The following MYH10 variants were observed in gnomAD, a reference collection of about 807,000 sequenced individuals.
MYH10 encodes myosin heavy chain 10.
A neutral mutation model predicts 257.8 loss-of-function variants in MYH10; 55 were observed. The ratio of observed to expected loss-of-function variants is 0.21; its 90% CI spans 0.17 to 0.27. MYH10 has a LOEUF of 0.27. Ranked by LOEUF, MYH10 falls within the 10% of genes least tolerant of loss-of-function variation. The pLI, the probability that MYH10 is intolerant of heterozygous loss-of-function variation, is 1.00. For missense variants in MYH10, 1,631 were observed against 2,500.6 expected (o/e 0.65, Z 7.42); for synonymous variants, 854 against 921.7 (o/e 0.93, Z 1.33).
At position 8,535,996 on chromosome 17, in the gene MYH10, CACTTAA is replaced by C; in HGVS notation, c.1606-71_1606-66del. On this transcript the variant is annotated intron_variant, in intron 14 of 42. Transcript: ENST00000360416. This position sits in a 1 kb window ranked among gnomAD's most constrained non-coding sequence, Gnocchi z 4.3. ...GCCACTTTAATACTACTGAGTCTGG[CACTTAA>C]ACTTCTAAAACAATTAGTTTTATGA... 1.4e-6 allele frequency: 2 copies of C among 1,424,774 alleles called. No individual in the cohort carries two copies. Among genetic ancestry groups the C allele is most frequent in the Non-Finnish European group, 1.9e-6 (2 of 1,036,258 alleles). 88.3% of individuals were successfully genotyped at this position (1,424,774 alleles called of 1,614,324 possible).
intron 14 of MYH10, among the ~76,000 whole-genome samples, chr17:8,541,358 T>C (rs1010136735): frequency 2.6e-5 from 4 of 152,228 alleles, no homozygotes; most frequent in African/African-American, 7.2e-5. Flanking sequence ...ATATCGGTGG[T>C]TAATCATGTT....
intron 35 of MYH10, among the ~76,000 whole-genome samples, chr17:8,489,947 A>G (rs928721962): frequency 2.6e-5 from 4 of 152,168 alleles, no homozygotes; most frequent in African/African-American, 9.7e-5. Flanking sequence ...TTTCCTTTTG[A>G]AGAGTGATCT....
chr17:8,563,586 T>C (rs919451101), intron 7 of MYH10, among the ~76,000 whole-genome samples: 3 of 152,244 alleles, frequency 2.0e-5, no homozygotes, highest in African/African-American at 7.2e-5. Context: ...GCTGGTTGCC[T>C]GGTGCAGACC....
At chr17:8,612,193 G>C (rs73973179) in intron 2 of MYH10, among the ~76,000 whole-genome samples, 3,397 of 152,194 alleles carry the variant, frequency 0.022, 142 homozygotes, top group African/African-American at 0.077. Flanking sequence ...CTGTGTTCAA[G>C]TCACCTTTAT....
Position 8,598,820 on chromosome 17 carries a change from C to T in MYH10, c.502+6006G>A, listed in dbSNP as rs1019713634. ...CTCCCAGGCTCAAGCAATCTTCCCA[C>T]CTCAGCCTCCTGAGTAGCTAGGACT... On this transcript the variant is annotated intron_variant, in intron 3 of 42. Coordinates refer to ENST00000360416, the MANE Select transcript of MYH10 (RefSeq NM_001256012.3). Among the ~76,000 whole-genome samples, 24 of 151,946 alleles carry T rather than the reference C, an allele frequency of 1.6e-4. 2 individuals are homozygous for T. The highest frequency in any genetic ancestry group is 4.4e-5 in the Non-Finnish European group (3 of 68,018).
intron 7 of MYH10, among the ~76,000 whole-genome samples, chr17:8,556,432 C>T (rs367999281): frequency 6.6e-6 from 1 of 152,200 alleles, no homozygotes; most frequent in Non-Finnish European, 1.5e-5. Context: ...CACTACTGAG[C>T]GATGACAAGG....
intron 2 of MYH10, among the ~76,000 whole-genome samples, chr17:8,614,165 A>G (rs1185885074): frequency 6.6e-6 from 1 of 152,222 alleles, no homozygotes; most frequent in Non-Finnish European, 1.5e-5. Flanking sequence ...AATTAATCAC[A>G]TAACGAACCA....
chr17:8,503,203 A>T, intron 28 of MYH10, among the ~76,000 whole-genome samples: 1 of 152,208 alleles, frequency 6.6e-6, no homozygotes, highest in Middle Eastern at 3.2e-3. Context: ...AAATCGTTTG[A>T]ACCCGGGAGG....
At position 8,548,635 on chromosome 17, in the gene MYH10, C is replaced by A; in HGVS notation, c.1063+9G>T. The A allele has an allele frequency of 6.2e-7, 1 of 1,612,938 alleles. No individual in the cohort carries two copies. The highest frequency in any genetic ancestry group is 1.1e-5 in the South Asian group (1 of 90,814). On this transcript the variant is annotated intron_variant, in intron 10 of 42. Coordinates refer to ENST00000360416, the MANE Select transcript of MYH10 (RefSeq NM_001256012.3). ...GTGAGTACCAGAATCTTAGAGAAAT[C>A]ACACATACACAGAATCTCTTCATGG...
At chr17:8,497,180 C>T (rs1472039677) in intron 30 of MYH10, among the ~76,000 whole-genome samples, 1 of 152,180 alleles carries the variant, frequency 6.6e-6, no homozygotes, top group Non-Finnish European at 1.5e-5. Flanking sequence ...TTGCCATGAG[C>T]AGGCCTCTGT....
At position 8,545,228 on chromosome 17, in the gene MYH10, A is replaced by G. The variant is rs2082408163; in HGVS notation, c.1431+220T>C. ...CAGAAGCAACCTTCCCTGAACAGCT[A>G]TCTCAAGCTGGCCTCCCAGTTCTAT... On this transcript the variant is annotated intron_variant, in intron 13 of 42. Coordinates refer to ENST00000360416, the MANE Select transcript of MYH10 (RefSeq NM_001256012.3). The surrounding 1 kb of genome is among the most constrained non-coding windows in gnomAD (Gnocchi z 4.7). Among the ~76,000 whole-genome samples the G allele has an allele frequency of 6.6e-6, 1 of 152,178 alleles. No homozygotes were observed. Among genetic ancestry groups the G allele is most frequent in the African/African-American group, 2.4e-5 (1 of 41,446 alleles).
chr17:8,503,300 A>AAAAT (rs2080965383), intron 28 of MYH10, among the ~76,000 whole-genome samples: 1 of 150,364 alleles, frequency 6.7e-6, no homozygotes, highest in East Asian at 2.0e-4. Flanking sequence ...ATATAAAATA[A>AAAAT]AAAATAAAAT....
chr17:8,494,169 TC>T (rs1198628980), intron 31 of MYH10, among the ~76,000 whole-genome samples: 1 of 151,282 alleles, frequency 6.6e-6, no homozygotes, highest in Non-Finnish European at 1.5e-5. Flanking sequence ...CCCTCCTGCG[TC>T]CCCCACCACA....
intron 37 of MYH10, among the ~76,000 whole-genome samples, 179 bp downstream of exon 37, chr17:8,483,959 C>T (rs1214394063): frequency 6.6e-6 from 1 of 152,068 alleles, no homozygotes; most frequent in Non-Finnish European, 1.5e-5. Flanking sequence ...CTTTCTGTTT[C>T]CAAACTGAAG....
At position 8,506,556 on chromosome 17, in the gene MYH10, A is replaced by C; in HGVS notation, c.3215-67T>G. ...ACTCACCACAGGAATAAACTAAAAT[A>C]CAGACTGATCCAAGTTGAAAATAAG... On this transcript the variant is annotated intron_variant, in intron 26 of 42. Coordinates refer to ENST00000360416, the MANE Select transcript of MYH10 (RefSeq NM_001256012.3). This position sits in a 1 kb window ranked among gnomAD's most constrained non-coding sequence, Gnocchi z 5.0. The C allele has an allele frequency of 6.6e-7, 1 of 1,512,158 alleles. No homozygotes were observed. The highest frequency in any genetic ancestry group is 9.0e-7 in the Non-Finnish European group (1 of 1,113,980). 93.7% of individuals were successfully genotyped at this position (1,512,158 alleles called of 1,614,324 possible).
At chr17:8,608,289 G>GAC (rs1285071716) in intron 2 of MYH10, among the ~76,000 whole-genome samples, 1 of 152,180 alleles carries the variant, frequency 6.6e-6, no homozygotes, top group African/African-American at 2.4e-5. Flanking sequence ...GAAGCAGGAA[G>GAC]ACACGTGGAG....
In MYH10 at chr17:8,475,895, T is replaced by A. The variant is rs1912498831; in HGVS notation, c.5933A>T (p.His1978Leu). ...GAGCTCCAGGGAAGCTCCTTCAAGG[T>A]GCAGCTGGCGCCGGCCAGATCGGCT... ...SSSRSGRRQLHLEGASLELSD... is the reference protein window; with the variant it reads ...SSSRSGRRQLLLEGASLELSD... Residue 1978 changes from histidine to leucine, a missense_variant, in exon 43 of 43, where the codon CAC becomes CTC. By Grantham distance (99) the His-to-Leu change is moderately conservative. Around this residue, in one of 11 missense-constraint regions of MYH10, gnomAD observed 343 missense variants for 389.5 expected, o/e 0.88. Transcript: ENST00000360416. The A allele has an allele frequency of 3.1e-6, 5 of 1,614,062 alleles. No individual in the cohort carries two copies. In the South Asian group the frequency reaches 5.5e-5, roughly 18 times the overall value.
At chr17:8,591,821 C>T (rs1262010285) in intron 3 of MYH10, among the ~76,000 whole-genome samples, 1 of 152,142 alleles carries the variant, frequency 6.6e-6, no homozygotes, top group Non-Finnish European at 1.5e-5. Context: ...TAGCCAGACT[C>T]ATCTATTTTT....
chr17:8,603,107 C>T (rs1035406164), intron 3 of MYH10, among the ~76,000 whole-genome samples: 23 of 152,176 alleles, frequency 1.5e-4, no homozygotes, highest in Non-Finnish European at 5.9e-5. Context: ...ATGTTTATCC[C>T]TGTTAACTAT....
Sources: gnomAD v4.1 joint callset for allele counts (sites outside exome capture counted in the v4.1 genomes callset) on GRCh38, gnomAD v4.1.1 for gene constraint, gnomAD v4.1.1 regional missense constraint, Gnocchi (gnomAD v3.1) non-coding constraint, MANE v1.5 for transcripts, NCBI Gene and HGNC (gene_info 2026-07-23, HGNC 2026-07-21) for gene names.